DSCAM: variants seen among roughly 807,000 people sequenced by gnomAD.
The protein encoded by DSCAM is cell adhesion molecule DSCAM.
A neutral mutation model predicts 217.7 loss-of-function variants in DSCAM; 47 were observed. The ratio of observed to expected loss-of-function variants is 0.22; its 90% CI spans 0.17 to 0.28. The LOEUF is 0.28. DSCAM is among the 10% of genes least tolerant of loss of function. DSCAM has a pLI of 1.00. For missense variants in DSCAM, 2,080 were observed against 2,618.3 expected (o/e 0.79, Z 4.49); for synonymous variants, 1,056 against 1,015.3 (o/e 1.04, Z -0.76).
At chr21:40,537,008 C>T (rs11702826) in intron 3 of DSCAM, among the ~76,000 whole-genome samples, 17,032 of 152,102 alleles carry the variant, frequency 0.11, 2,130 homozygotes, top group African/African-American at 0.31. Flanking sequence ...TTATTCCAAA[C>T]TTTCCGGATG....
intron 3 of DSCAM, among the ~76,000 whole-genome samples, chr21:40,411,839 C>A (rs2075326052): frequency 6.6e-6 from 1 of 152,152 alleles, no homozygotes; most frequent in African/African-American, 2.4e-5. Context: ...TCTCATAAAA[C>A]CACAAACTAC....
chr21:40,029,500 G>A (rs1011800239), intron 32 of DSCAM, among the ~76,000 whole-genome samples: 1 of 151,558 alleles, frequency 6.6e-6, no homozygotes, highest in Admixed American at 6.6e-5. Flanking sequence ...CCAGTAATTC[G>A]AAAGAGTTAC....
At chr21:40,209,752 C>A (rs191180661) in intron 11 of DSCAM, among the ~76,000 whole-genome samples, 1 of 152,080 alleles carries the variant, frequency 6.6e-6, no homozygotes. Context: ...CCTCTAGGCC[C>A]GTGACCATCA....
chr21:40,602,225 T>C (rs1407929542), intron 3 of DSCAM, among the ~76,000 whole-genome samples: 1 of 152,058 alleles, frequency 6.6e-6, no homozygotes, highest in East Asian at 1.9e-4. Flanking sequence ...CATGCTCAGA[T>C]AATTATTTGT....
chr21:40,488,013 G>GT (rs1392720481), intron 3 of DSCAM, among the ~76,000 whole-genome samples: 1 of 152,192 alleles, frequency 6.6e-6, no homozygotes, highest in Non-Finnish European at 1.5e-5. Context: ...CACAGGCACT[G>GT]GTTCAGGAGA....
Position 40,342,053 on chromosome 21 carries a change from C to T in DSCAM, c.1211-2638G>A, listed in dbSNP as rs77063808. On this transcript the variant is annotated intron_variant, in intron 6 of 32. Transcript: ENST00000400454. Reference sequence around the variant, plus strand: ...TTTCCCAGAAATACCGTGGAAGGCACGTGTTTTATGTGCCTATTGGCCATC... The same window carrying T: ...TTTCCCAGAAATACCGTGGAAGGCATGTGTTTTATGTGCCTATTGGCCATC... 2.1e-3 allele frequency among the ~76,000 whole-genome samples: 316 copies of T among 152,226 alleles called. 2 individuals are homozygous for T. The highest frequency in any genetic ancestry group is 7.3e-3 in the African/African-American group (303 of 41,528).
At chr21:40,621,229 TACAAAAAAACAA>T (rs977030017) in intron 3 of DSCAM, 1 of 152,096 alleles carries the variant, frequency 6.6e-6, no homozygotes, top group African/African-American at 2.4e-5. Context: ...TCTTTATAAC[TACAAAAAAACAA>T]ACAAAAAAAC....
At chr21:40,484,776 T>C (rs765953442) in intron 3 of DSCAM, among the ~76,000 whole-genome samples, 5 of 152,190 alleles carry the variant, frequency 3.3e-5, no homozygotes, top group African/African-American at 4.8e-5. Flanking sequence ...TTACCTGTTT[T>C]ATACAGGGAG....
chr21:40,052,226 C>T (rs563486316), intron 29 of DSCAM, 119 bp from the exon 30 acceptor site: 11 of 1,092,468 alleles, frequency 1.0e-5, no homozygotes, highest in Admixed American at 2.6e-5. Context: ...ATAATAGCCC[C>T]ATCTAAAGTG....
intron 20 of DSCAM, among the ~76,000 whole-genome samples, chr21:40,119,901 A>G (rs1398379110): frequency 6.6e-6 from 1 of 151,950 alleles, no homozygotes; most frequent in Non-Finnish European, 1.5e-5. Flanking sequence ...TCCACGTTAT[A>G]CCACTTTTCC....
intron 9 of DSCAM, among the ~76,000 whole-genome samples, chr21:40,296,988 C>T (rs2073962241): frequency 1.3e-5 from 2 of 151,974 alleles, no homozygotes; most frequent in Admixed American, 6.6e-5. Context: ...TAACAGGCAC[C>T]TCGTAAAGGC....
chr21:40,553,239 C>T (rs1170333893), intron 3 of DSCAM, among the ~76,000 whole-genome samples: 3 of 152,228 alleles, frequency 2.0e-5, no homozygotes, highest in Non-Finnish European at 4.4e-5. Flanking sequence ...TATATTTAAG[C>T]AGTGCTTTTA....
chr21:40,195,093 A>G (rs2146842970), intron 11 of DSCAM, among the ~76,000 whole-genome samples: 1 of 152,324 alleles, frequency 6.6e-6, no homozygotes, highest in East Asian at 1.9e-4. Flanking sequence ...TATTAATTAA[A>G]TAATTAAAAT....
chr21:40,117,688 A>C (rs542936029), intron 20 of DSCAM, among the ~76,000 whole-genome samples: 1 of 152,318 alleles, frequency 6.6e-6, no homozygotes, highest in South Asian at 2.1e-4. Flanking sequence ...AAAATATCGG[A>C]GGGCATCACG....
intron 5 of DSCAM, among the ~76,000 whole-genome samples, chr21:40,350,619 A>G (rs1484345137): frequency 6.6e-6 from 1 of 152,166 alleles, no homozygotes; most frequent in African/African-American, 2.4e-5. Flanking sequence ...AGGGGCCATT[A>G]GAGACATAGC....
At chr21:40,663,510 T>A (rs2090165745) in intron 3 of DSCAM, among the ~76,000 whole-genome samples, 1 of 152,162 alleles carries the variant, frequency 6.6e-6, no homozygotes, top group Non-Finnish European at 1.5e-5. Flanking sequence ...CCTCTTAGAA[T>A]AAGAGCACTT....
intron 3 of DSCAM, among the ~76,000 whole-genome samples, chr21:40,674,915 G>A (rs1369402235): frequency 6.6e-6 from 1 of 152,094 alleles, no homozygotes; most frequent in African/African-American, 2.4e-5. Flanking sequence ...GAGCCACCGC[G>A]CCCGGCCCAT....
At chr21:40,558,849 A>T (rs1239003879) in intron 3 of DSCAM, among the ~76,000 whole-genome samples, 1 of 152,212 alleles carries the variant, frequency 6.6e-6, no homozygotes, top group Non-Finnish European at 1.5e-5. Context: ...TTGACAGGGC[A>T]CAGAGGAATG....
At chr21:40,416,897 C>G (rs1458100848) in intron 3 of DSCAM, among the ~76,000 whole-genome samples, 1 of 152,028 alleles carries the variant, frequency 6.6e-6, no homozygotes, top group Non-Finnish European at 1.5e-5. Flanking sequence ...TTCATGCCCC[C>G]CAAAAATGCT....
Sources: allele counts gnomAD v4.1 joint callset (sites outside exome capture counted in the v4.1 genomes callset), GRCh38; gene constraint gnomAD v4.1.1; transcripts MANE v1.5; gene names NCBI Gene and HGNC (gene_info 2026-07-23, HGNC 2026-07-21).